The following ADCY9 variants were observed in gnomAD, a reference collection of about 807,000 sequenced individuals.
ADCY9 encodes adenylate cyclase type 9.
In ADCY9, 50 loss-of-function variants were observed where a neutral mutation model predicts 101.5. The observed-to-expected ratio is 0.49, with a 90% CI of 0.39 to 0.62. ADCY9 has a LOEUF of 0.62. Among genes scored for constraint, ADCY9 ranks in the 20% least tolerant of loss-of-function variants. The probability of loss-of-function intolerance (pLI) is 0.00; values close to 1 mark genes in which losing one functional copy is unlikely to be tolerated. For synonymous variants in ADCY9, 905 were observed against 769.3 expected, an observed-to-expected ratio of 1.18 and a Z score of -2.92; for missense variants, 1,662 against 1,800.4, an observed-to-expected ratio of 0.92 and a Z score of 1.39.
chr16:4,114,737 T>C lies in ADCY9; in HGVS notation c.706A>G (p.Thr236Ala), dbSNP rs61731442. The change falls in exon 2 of 11, where the codon ACC becomes GCC. Residue 236 changes from threonine to alanine, a missense_variant. Coordinates refer to ENST00000294016, the MANE Select transcript of ADCY9 (RefSeq NM_001116.4). The surrounding 1 kb of genome is among the most constrained non-coding windows in gnomAD (Gnocchi z 4.3). ...AGGTACAAAGGTAAGTGCATGACGG[T>C]ATAGAGCAAAAAGAGCACTTCGATG... ...MCIEVLFLLY[T>A]VMHLPLYLSL... 1,789 of 1,613,068 alleles carry C rather than the reference T, an allele frequency of 1.1e-3. 10 individuals are homozygous for C. The African/African-American group carries it at 0.018, about 17-fold the overall frequency.
chr16:4,038,335 T>G (rs1325513965), intron 2 of ADCY9, among the ~76,000 whole-genome samples: 2 of 149,138 alleles, frequency 1.3e-5, no homozygotes, highest in Non-Finnish European at 3.0e-5. Flanking sequence ...AAGTCATGAG[T>G]GCTCCACCTT....
intron 2 of ADCY9, among the ~76,000 whole-genome samples, chr16:4,066,492 T>C (rs1195966371): frequency 1.3e-5 from 2 of 152,018 alleles, no homozygotes; most frequent in Non-Finnish European, 2.9e-5. Context: ...GTTCAAACAA[T>C]CCTCCTACCT....
intron 2 of ADCY9, among the ~76,000 whole-genome samples, chr16:4,061,638 T>C (rs79855611): frequency 2.4e-3 from 371 of 152,078 alleles, no homozygotes; most frequent in African/African-American, 8.7e-3. Flanking sequence ...AACTAACAAG[T>C]AGAAATAAAG....
intron 2 of ADCY9, among the ~76,000 whole-genome samples, chr16:4,072,104 C>T (rs2056838277): frequency 6.6e-6 from 1 of 152,218 alleles, no homozygotes; most frequent in Non-Finnish European, 1.5e-5. Flanking sequence ...CTGTGAATCT[C>T]CCTTGTTTGG....
At chr16:4,067,894 A>C (rs754539095) in intron 2 of ADCY9, among the ~76,000 whole-genome samples, 38 of 152,096 alleles carry the variant, frequency 2.5e-4, no homozygotes, top group South Asian at 2.1e-4. Flanking sequence ...GACTGAACTA[A>C]CTCTATGTTG....
intron 2 of ADCY9, among the ~76,000 whole-genome samples, chr16:4,105,598 T>G (rs7187022): frequency 0.45 from 66,910 of 150,184 alleles, 15,027 homozygotes; most frequent in South Asian, 0.5. Context: ...GAGAATTCCT[T>G]GCACCCAGGA....
chr16:3,969,594 A>ATATATATG (rs1373960217), intron 10 of ADCY9, among the ~76,000 whole-genome samples: 1 of 92,068 alleles, frequency 1.1e-5, no homozygotes, highest in Non-Finnish European at 2.1e-5. Flanking sequence ...ATATATATAT[A>ATATATATG]TATATATATA....
At chr16:4,082,123 C>T (rs2056907226) in intron 2 of ADCY9, among the ~76,000 whole-genome samples, 1 of 152,086 alleles carries the variant, frequency 6.6e-6, no homozygotes, top group South Asian at 2.1e-4. Context: ...CACCTGTAAT[C>T]CCAGCACTTT....
intron 10 of ADCY9, among the ~76,000 whole-genome samples, chr16:3,969,604 A>ATATATATATATATATG: frequency 1.5e-5 from 1 of 67,776 alleles, no homozygotes; most frequent in Non-Finnish European, 2.6e-5. Flanking sequence ...ATATATATAT[A>ATATATATATATATATG]TATATGTATT....
chr16:3,999,814 ATT>A (rs2056317474), intron 3 of ADCY9, among the ~76,000 whole-genome samples: 2 of 152,196 alleles, frequency 1.3e-5, no homozygotes, highest in African/African-American at 4.8e-5. Flanking sequence ...GCACATTTGC[ATT>A]TGTTTTTAAC....
intron 3 of ADCY9, among the ~76,000 whole-genome samples, chr16:3,997,902 T>C (rs2056299997): frequency 6.6e-6 from 1 of 151,696 alleles, no homozygotes; most frequent in African/African-American, 2.4e-5. Flanking sequence ...AAGACCAGCC[T>C]GGTCAACATG....
intron 2 of ADCY9, among the ~76,000 whole-genome samples, chr16:4,058,427 T>G (rs969845891): frequency 6.8e-6 from 1 of 147,666 alleles, no homozygotes; most frequent in Non-Finnish European, 1.5e-5. Context: ...ATCGCCCCAC[T>G]GCACTCCAGC....
chr16:4,108,623 C>T (rs956334428), intron 2 of ADCY9, among the ~76,000 whole-genome samples: 16 of 151,660 alleles, frequency 1.1e-4, no homozygotes, highest in African/African-American at 3.1e-4. Context: ...CTGCCCACCT[C>T]GGTCTCCCAA....
At chr16:4,078,274 T>C (rs1180559732) in intron 2 of ADCY9, among the ~76,000 whole-genome samples, 1 of 152,178 alleles carries the variant, frequency 6.6e-6, no homozygotes, top group East Asian at 1.9e-4. Context: ...AATGGTGGTA[T>C]ATCCAGTCCA....
chr16:3,993,583 C>A, intron 3 of ADCY9, 73 bp from the exon 4 acceptor site: 1 of 1,563,470 alleles, frequency 6.4e-7, no homozygotes, highest in Non-Finnish European at 8.8e-7. Context: ...GGCAGGTCCG[C>A]TGTTGCCATC....
chr16:4,039,726 A>G (rs1444777812), intron 2 of ADCY9, among the ~76,000 whole-genome samples: 1 of 150,834 alleles, frequency 6.6e-6, no homozygotes, highest in African/African-American at 2.4e-5. Context: ...TTGAAAGTTA[A>G]AATTTTACTT....
intron 2 of ADCY9, among the ~76,000 whole-genome samples, chr16:4,082,296 T>C (rs2056908316): frequency 6.6e-6 from 1 of 152,030 alleles, no homozygotes; most frequent in African/African-American, 2.4e-5. Flanking sequence ...GGAGGATGGC[T>C]AGAGCCCAGG....
At chr16:3,969,335 C>T (rs2056026872) in intron 10 of ADCY9, among the ~76,000 whole-genome samples, 1 of 151,286 alleles carries the variant, frequency 6.6e-6, no homozygotes, top group African/African-American at 2.4e-5. Context: ...GCAACCTCCA[C>T]CTCCTGGGCT....
chr16:4,023,926 T>A (rs149649617), intron 2 of ADCY9, among the ~76,000 whole-genome samples: 156 of 152,098 alleles, frequency 1.0e-3, no homozygotes, highest in African/African-American at 3.2e-3. Flanking sequence ...ACAAGAGGCA[T>A]CTGACTTACA....
Sources: allele counts gnomAD v4.1 joint callset (sites outside exome capture counted in the v4.1 genomes callset), GRCh38; gene constraint gnomAD v4.1.1; non-coding constraint Gnocchi (gnomAD v3.1); transcripts MANE v1.5; gene names NCBI Gene and HGNC (gene_info 2026-07-23, HGNC 2026-07-21).